APBA2: variants seen among roughly 807,000 people sequenced by gnomAD.
APBA2 encodes the protein amyloid-beta A4 precursor protein-binding family A member 2.
APBA2 carries 30 observed loss-of-function variants against 75.0 expected under a neutral mutation model. The ratio of observed to expected loss-of-function variants is 0.40; its 90% CI spans 0.30 to 0.54. APBA2 has a LOEUF of 0.54. APBA2 is among the 20% of genes least tolerant of loss of function. The pLI, the probability that APBA2 is intolerant of heterozygous loss-of-function variation, is 0.49. For synonymous variants in APBA2, 444 were observed against 409.6 expected, an observed-to-expected ratio of 1.08 and a Z score of -1.01; for missense variants, 801 against 1,016.1, an observed-to-expected ratio of 0.79 and a Z score of 2.88.
At chr15:29,114,747 GGT>G (rs1424855281) in intron 14 of APBA2, among the ~76,000 whole-genome samples, 3 of 150,182 alleles carry the variant, frequency 2.0e-5, no homozygotes, top group Non-Finnish European at 2.9e-5. Context: ...GATGGGTGTG[GGT>G]GTGTGGCTGT....
intron 3 of APBA2, among the ~76,000 whole-genome samples, chr15:28,998,194 CTTTTTCT>C (rs1383440836): frequency 1.4e-5 from 2 of 141,598 alleles, no homozygotes; most frequent in African/African-American, 5.5e-5. Flanking sequence ...TCTTATTCTT[CTTTTTCT>C]TTTTTTTTTT....
chr15:28,906,751 A>G (rs146744783), intron 1 of APBA2, among the ~76,000 whole-genome samples: 5 of 152,322 alleles, frequency 3.3e-5, no homozygotes, highest in African/African-American at 1.2e-4. Context: ...TGTGAATGAC[A>G]ACAAGCTGCT....
At chr15:29,034,159 T>C (rs1416708880) in intron 3 of APBA2, among the ~76,000 whole-genome samples, 4 of 152,092 alleles carry the variant, frequency 2.6e-5, no homozygotes, top group African/African-American at 9.7e-5. Flanking sequence ...TTGGGATTCT[T>C]TATGTAGGTA....
At chr15:28,946,643 A>G (rs2035566819) in intron 2 of APBA2, among the ~76,000 whole-genome samples, 1 of 152,098 alleles carries the variant, frequency 6.6e-6, no homozygotes, top group East Asian at 1.9e-4. Flanking sequence ...CAGTGGCGCC[A>G]TCTCAGCTCA....
At chr15:29,079,798 C>T (rs1244101306) in intron 6 of APBA2, among the ~76,000 whole-genome samples, 1 of 152,172 alleles carries the variant, frequency 6.6e-6, no homozygotes, top group Non-Finnish European at 1.5e-5. Flanking sequence ...TGCCTTATTT[C>T]ATATCAGATA....
intron 4 of APBA2, among the ~76,000 whole-genome samples, chr15:29,060,908 T>C (rs890699639): frequency 4.6e-5 from 7 of 152,182 alleles, no homozygotes; most frequent in African/African-American, 1.4e-4. Flanking sequence ...TATCAGGCAG[T>C]GAAGCGTGAG....
intron 9 of APBA2, among the ~76,000 whole-genome samples, chr15:29,100,330 GA>G (rs2044054748): frequency 6.6e-6 from 1 of 152,176 alleles, no homozygotes; most frequent in Admixed American, 6.5e-5. Flanking sequence ...GCTTTGGCCA[GA>G]AAAAAAGTCA....
chr15:29,078,112 T>C (rs1371875397), intron 6 of APBA2, among the ~76,000 whole-genome samples: 1 of 151,404 alleles, frequency 6.6e-6, no homozygotes, highest in East Asian at 2.0e-4. Flanking sequence ...CTGGCCAACA[T>C]GGTGAAACCC....
chr15:28,971,044 G>A (rs2037041078), intron 2 of APBA2, among the ~76,000 whole-genome samples: 2 of 152,010 alleles, frequency 1.3e-5, no homozygotes, highest in African/African-American at 4.8e-5. Flanking sequence ...GCAGTAATCC[G>A]CACGCCCATT....
intron 2 of APBA2, among the ~76,000 whole-genome samples, chr15:28,939,173 T>C (rs1247337761): frequency 6.6e-6 from 1 of 152,244 alleles, no homozygotes; most frequent in Admixed American, 6.5e-5. Flanking sequence ...CTGCACGTTG[T>C]GGCATGCGTC....
At chr15:29,070,750 C>T (rs1422308416) in intron 4 of APBA2, 1 of 245,040 alleles carries the variant, frequency 4.1e-6, no homozygotes, top group African/African-American at 2.3e-5. Context: ...CTCACTGCTC[C>T]TGCTTGGAGT....
intron 2 of APBA2, among the ~76,000 whole-genome samples, chr15:28,979,322 A>T (rs563392360): frequency 6.6e-6 from 1 of 151,034 alleles, no homozygotes; most frequent in East Asian, 1.9e-4. Context: ...GTCCCGGTCC[A>T]CTCCTGTCAT....
intron 3 of APBA2, among the ~76,000 whole-genome samples, chr15:29,007,703 T>TACAAA (rs766075079): frequency 6.6e-6 from 1 of 152,094 alleles, no homozygotes; most frequent in African/African-American, 2.4e-5. Flanking sequence ...GGCCGGCTAT[T>TACAAA]ACAAAACAAA....
intron 2 of APBA2, among the ~76,000 whole-genome samples, chr15:28,943,860 A>T (rs1273029379): frequency 6.6e-6 from 1 of 152,116 alleles, no homozygotes; most frequent in Non-Finnish European, 1.5e-5. Context: ...CACCGCCCCT[A>T]CATGGTGTGC....
intron 3 of APBA2, among the ~76,000 whole-genome samples, chr15:29,039,098 GGT>G (rs57326919): frequency 0.13 from 13,783 of 105,854 alleles, 773 homozygotes; most frequent in South Asian, 0.16. Context: ...TGTATGTCAG[GGT>G]GTGTGTGTGT....
intron 1 of APBA2, among the ~76,000 whole-genome samples, chr15:28,915,194 C>T (rs2033626545): frequency 2.9e-5 from 1 of 34,352 alleles, no homozygotes; most frequent in African/African-American, 1.1e-4. Flanking sequence ...ATATACCACA[C>T]ACCACACACA....
At chr15:29,061,006 C>T (rs1192664799) in intron 4 of APBA2, among the ~76,000 whole-genome samples, 1 of 152,128 alleles carries the variant, frequency 6.6e-6, no homozygotes, top group Non-Finnish European at 1.5e-5. Flanking sequence ...GTCCTTGGTG[C>T]CTTCCCTTGA....
intron 9 of APBA2, among the ~76,000 whole-genome samples, chr15:29,101,213 G>A (rs2044102205): frequency 1.2e-5 from 1 of 84,420 alleles, no homozygotes; most frequent in African/African-American, 3.4e-5. Flanking sequence ...AATAATTGGA[G>A]TGCCTTTTTT....
intron 2 of APBA2, among the ~76,000 whole-genome samples, chr15:28,944,073 C>CCCACCCT (rs2035399008): frequency 6.6e-6 from 1 of 152,202 alleles, no homozygotes; most frequent in South Asian, 2.1e-4. Context: ...TTCACCCTGG[C>CCCACCCT]CCACTCTCCA....
Sources: gnomAD v4.1 joint callset for allele counts (sites outside exome capture counted in the v4.1 genomes callset) on GRCh38, gnomAD v4.1.1 for gene constraint, MANE v1.5 for transcripts, NCBI Gene and HGNC (gene_info 2026-07-23, HGNC 2026-07-21) for gene names.